Variants in ALG1 observed in about 807,000 individuals in gnomAD.
ALG1 encodes ALG1 chitobiosyldiphosphodolichol beta-mannosyltransferase.
Under a neutral mutation model 55.1 loss-of-function variants are expected in ALG1, and 58 were observed. That is an observed-to-expected ratio of 1.05 (90% CI 0.85 to 1.31). The LOEUF (loss-of-function observed/expected upper bound fraction) is 1.31. ALG1 is among the 50% of genes most tolerant of loss of function. The probability of loss-of-function intolerance (pLI) is 0.00; values close to 1 mark genes in which losing one functional copy is unlikely to be tolerated. For synonymous variants in ALG1, 309 were observed against 247.0 expected, an observed-to-expected ratio of 1.25 and a Z score of -2.35; for missense variants, 761 against 598.6, an observed-to-expected ratio of 1.27 and a Z score of -2.83.
intron 6 of ALG1, 87 bp from the exon 7 acceptor site, chr16:5,078,670 T>C: frequency 6.2e-7 from 1 of 1,610,760 alleles, no homozygotes. Flanking sequence ...TCTGGGAGCC[T>C]GCAGGCCTCG....
intron 4 of ALG1, 115 bp downstream of exon 4, chr16:5,075,651 G>C (rs1392466130): frequency 2.3e-6 from 3 of 1,323,814 alleles, no homozygotes; most frequent in Admixed American, 1.8e-5. Flanking sequence ...TGCAGGAGGT[G>C]GGGTGAGGCT....
chr16:5,081,089 C>CG (rs766356983), intron 10 of ALG1, 33 bp downstream of exon 10: 3 of 281,398 alleles, frequency 1.1e-5, no homozygotes, highest in East Asian at 8.6e-5. Context: ...AGGGAGGAGG[C>CG]GGGGGGAACA....
At chr16:5,072,376 C>G in intron 1 of ALG1, 2 of 746,084 alleles carry the variant, frequency 2.7e-6, no homozygotes, top group Non-Finnish European at 4.0e-6. Context: ...CTACCCTTGT[C>G]AGGCTATGTC....
rs1394149487 is a variant in ALG1, at chr16:5,086,449, ATTCT to A, written c.*1571_*1574del. On this transcript the variant is annotated 3_prime_UTR_variant, in exon 13 of 13. Coordinates refer to ENST00000262374, the MANE Select transcript of ALG1 (RefSeq NM_019109.5). The stretch of plus-strand genomic sequence containing the variant: ...GTCTGAAGAGCCGTTAGCCAGAATG[ATTCT>A]TTTTTTTTGTTTTGAGATATGATCT... 1 of 151,468 alleles carries A rather than the reference ATTCT, an allele frequency of 6.6e-6. No homozygotes were observed. Among genetic ancestry groups the A allele is most frequent in the African/African-American group, 2.4e-5 (1 of 41,176 alleles). The allele number at this position is 151,468 out of a possible 1,614,324, so 9.4% of individuals were successfully genotyped here.
rs1956832682 is a variant in ALG1, at chr16:5,072,414, TC to T, written c.208+360del. 12 of 520,464 alleles carry T rather than the reference TC, an allele frequency of 2.3e-5. No homozygotes were observed. The South Asian group carries it at 2.5e-4, about 11-fold the overall frequency. The allele number at this position is 520,464 out of a possible 1,614,324, so 32.2% of individuals were successfully genotyped here. ...AGCTGACAGGATATTTCATTCCTCA[TC>T]CCTCAACGCAGAGCTCTGCAGACAG... On this transcript the variant is annotated intron_variant, in intron 1 of 12. Coordinates refer to ENST00000262374, the MANE Select transcript of ALG1 (RefSeq NM_019109.5).
chr16:5,081,931 G>A (rs1957023515), intron 10 of ALG1, among the ~76,000 whole-genome samples: 1 of 152,024 alleles, frequency 6.6e-6, no homozygotes, highest in African/African-American at 2.4e-5. Flanking sequence ...TGTGGTGGGT[G>A]TGCTGTGGTT....
chr16:5,073,845 G>A (rs1956863349), intron 3 of ALG1, among the ~76,000 whole-genome samples: 1 of 152,180 alleles, frequency 6.6e-6, no homozygotes, highest in Admixed American at 6.5e-5. Context: ...CTCCTGAGTA[G>A]CTGGGATTAC....
Position 5,072,039 on chromosome 16 carries a change from A to G in ALG1, c.190A>G (p.Thr64Ala), listed in dbSNP as rs780358045. The change falls in exon 1 of 13, where the codon ACC (threonine) becomes GCC (alanine). Residue 64 changes from threonine to alanine, a missense_variant. Physicochemically the swap from Thr to Ala is moderately conservative, Grantham distance 58 (BLOSUM62 0). Transcript: ENST00000262374. ...GTTGGCCATGCACGGCTTCTCGGTG[A>G]CCCTCCTGGGGTTCTGCAGTGAGTG... Reference protein sequence around the residue: ...LSLAMHGFSVTLLGFCNSKPH... With the variant: ...LSLAMHGFSVALLGFCNSKPH... The G allele has an allele frequency of 1.3e-6, 2 of 1,587,410 alleles. No homozygotes were observed. Among genetic ancestry groups the G allele is most frequent in the Non-Finnish European group, 1.7e-6 (2 of 1,166,954 alleles).
At position 5,079,062 on chromosome 16, in the gene ALG1, A is replaced by G. The variant is rs768733117; in HGVS notation, c.863-2A>G. The G allele has an allele frequency of 4.4e-6, 7 of 1,600,690 alleles. No homozygotes were observed. Among genetic ancestry groups the G allele is most frequent in the Middle Eastern group, 2.3e-4 (1 of 4,430 alleles). On this transcript the variant is annotated splice_acceptor_variant, in intron 7 of 12. Coordinates refer to ENST00000262374, the MANE Select transcript of ALG1 (RefSeq NM_019109.5). LOFTEE classifies it high-confidence loss of function. ...CCCTGACATTCAATTCTCTTCTCAT[A>G]GAGGACGAAGACTTCTCCATCCTGC...
At chr16:5,078,548 T>C in intron 6 of ALG1, 1 of 827,192 alleles carries the variant, frequency 1.2e-6, no homozygotes, top group Admixed American at 2.1e-5. Flanking sequence ...AATGAGTCAG[T>C]CTTGTTTGCT....
chr16:5,078,039 G>T, intron 6 of ALG1, 22 bp downstream of exon 6: 1 of 1,596,412 alleles, frequency 6.3e-7, no homozygotes, highest in Non-Finnish European at 8.5e-7. Context: ...ATCCTCAGCT[G>T]CCTTCTCTCC....
At position 5,072,080 on chromosome 16, in the gene ALG1, G is replaced by A. The variant is rs867991755; in HGVS notation, c.208+23G>A. On this transcript the variant is annotated intron_variant, in intron 1 of 12. Coordinates refer to ENST00000262374, the MANE Select transcript of ALG1 (RefSeq NM_019109.5). ...GCAGTGAGTGGCCAAGGGTCTGGGAGGGACGATGCTCTCTCAGCCGTTGAT... is the reference window on the plus strand; with the variant it reads ...GCAGTGAGTGGCCAAGGGTCTGGGAAGGACGATGCTCTCTCAGCCGTTGAT... 13 of 1,556,384 alleles carry A rather than the reference G, an allele frequency of 8.4e-6. No individual in the cohort carries two copies. In the Middle Eastern group the frequency reaches 1.3e-3, roughly 160 times the overall value.
intron 10 of ALG1, among the ~76,000 whole-genome samples, chr16:5,081,387 G>A (rs1444227647): frequency 3.3e-5 from 5 of 152,212 alleles, no homozygotes; most frequent in African/African-American, 4.8e-5. Flanking sequence ...GTACGGGGAC[G>A]ATGTGTCAAA....
rs925612538 is a variant in ALG1 at position 5,087,227 on chromosome 16, A to G, written c.*2346A>G. The G allele has an allele frequency of 6.6e-6, 1 of 152,236 alleles. No homozygotes were observed. Among genetic ancestry groups the G allele is most frequent in the Admixed American group, 6.5e-5 (1 of 15,280 alleles). 9.4% of individuals were successfully genotyped at this position (152,236 alleles called of 1,614,324 possible). A position where few individuals can be genotyped will look rare whatever the true frequency, so the allele number is the denominator to read the frequency against. On this transcript the variant is annotated 3_prime_UTR_variant, in exon 13 of 13. Coordinates refer to ENST00000262374, the MANE Select transcript of ALG1 (RefSeq NM_019109.5). ...TACCTGATGAGCTAAAAGAAAAAAA[A>G]TCACAAAAAAACCTCGTACTGTTTG...
chr16:5,079,476 G>T (rs1392072979), intron 8 of ALG1, among the ~76,000 whole-genome samples: 2 of 152,312 alleles, frequency 1.3e-5, no homozygotes, highest in Non-Finnish European at 2.9e-5. Flanking sequence ...GATCATCTGA[G>T]GTCAGGAGTT....
chr16:5,083,420 C>T (rs1401728442), intron 11 of ALG1, among the ~76,000 whole-genome samples: 2 of 152,152 alleles, frequency 1.3e-5, no homozygotes, highest in African/African-American at 4.8e-5. Flanking sequence ...TTCTTCAGTC[C>T]TTGAAGAGCA....
chr16:5,085,948 C>T lies in ALG1; in HGVS notation c.*1067C>T, dbSNP rs1318392265. On this transcript the variant is annotated 3_prime_UTR_variant, in exon 13 of 13. Transcript: ENST00000262374. ...GCATAGAAATGGCTAGCAGCAGGCACCGTGCCGCTGTCCACTCTCTGCCTG... is the reference window on the plus strand; with the variant it reads ...GCATAGAAATGGCTAGCAGCAGGCATCGTGCCGCTGTCCACTCTCTGCCTG... 6.6e-6 allele frequency among the ~76,000 whole-genome samples: 1 copy of T among 152,192 alleles called. No homozygotes were observed. The highest frequency in any genetic ancestry group is 1.5e-5 in the Non-Finnish European group (1 of 68,046).
In ALG1 at chr16:5,078,668, C is replaced by A. The variant is rs112612638; in HGVS notation, c.741-89C>A. ...GGCTGGGCACCCCAACCTCTGGGAG[C>A]CTGCAGGCCTCGCCACGGCAGGAGA... On this transcript the variant is annotated intron_variant, in intron 6 of 12. Coordinates refer to ENST00000262374, the MANE Select transcript of ALG1 (RefSeq NM_019109.5). 1.4e-3 allele frequency: 2,250 copies of A among 1,610,388 alleles called. 34 individuals carry two copies. In the African/African-American group the frequency reaches 0.024, roughly 17 times the overall value.
chr16:5,074,123 T>C (rs1270903353), intron 3 of ALG1, among the ~76,000 whole-genome samples: 2 of 152,072 alleles, frequency 1.3e-5, no homozygotes, highest in African/African-American at 2.4e-5. Context: ...ATTTTTAATA[T>C]ATAGAAGCAC....
Sources: gnomAD v4.1 joint callset for allele counts (sites outside exome capture counted in the v4.1 genomes callset) on GRCh38, gnomAD v4.1.1 for gene constraint, MANE v1.5 for transcripts, NCBI Gene and HGNC (gene_info 2026-07-23, HGNC 2026-07-21) for gene names.